FOXM1: variants seen among roughly 807,000 people sequenced by gnomAD.
FOXM1 encodes forkhead box protein M1.
A neutral mutation model predicts 63.6 loss-of-function variants in FOXM1; 25 were observed. The observed-to-expected ratio is 0.39, with a 90% CI of 0.29 to 0.55. FOXM1 has a LOEUF of 0.55. FOXM1 is among the 20% of genes least tolerant of loss of function. FOXM1 has a pLI of 0.60. For missense variants in FOXM1, 879 were observed against 958.7 expected (o/e 0.92, Z 1.10); for synonymous variants, 387 against 376.9 (o/e 1.03, Z -0.31).
At position 2,874,516 on chromosome 12, in the gene FOXM1, A is replaced by C; in HGVS notation, c.-38T>G. 5 of 1,555,256 alleles carry C rather than the reference A, an allele frequency of 3.2e-6. No individual in the cohort carries two copies. Among genetic ancestry groups the C allele is most frequent in the Non-Finnish European group, 4.3e-6 (5 of 1,156,606 alleles). ...TTTTCACTCTCCATTGAGAATCACA[A>C]GTGTGGACCCTGGAAAATGCAAATA... On this transcript the variant is annotated 5_prime_UTR_variant, in exon 2 of 9. Coordinates refer to ENST00000359843, the MANE Select transcript of FOXM1 (RefSeq NM_021953.4). This position sits in a 1 kb window ranked among gnomAD's most constrained non-coding sequence, Gnocchi z 4.3.
Position 2,864,729 on chromosome 12 carries a change from C to A in FOXM1, c.1044G>T (p.Glu348Asp). Residue 348 changes from glutamate to aspartate, a missense_variant, in exon 7 of 9, where the codon GAG (glutamate) becomes GAT (aspartate). Glu to Asp is a conservative substitution (Grantham distance 45). Transcript: ENST00000359843. The surrounding 1 kb of genome is among the most constrained non-coding windows in gnomAD (Gnocchi z 5.1). ...TTTTGATGGTCATGTTCCGGCGGAG[C>A]TCTGGATTCGGTCGTTTCTGCTGCT... ...LESQQKRPNP[E>D]LRRNMTIKTE... 1 of 1,614,206 alleles carries A rather than the reference C, an allele frequency of 6.2e-7. No individual in the cohort carries two copies. The highest frequency in any genetic ancestry group is 1.1e-5 in the South Asian group (1 of 91,082).
chr12:2,864,318 A>G lies in FOXM1; in HGVS notation c.1266+2T>C, dbSNP rs1222491033. 2.1e-5 allele frequency: 33 copies of G among 1,607,230 alleles called. No homozygotes were observed. The highest frequency in any genetic ancestry group is 2.7e-5 in the Non-Finnish European group (32 of 1,175,806). On this transcript the variant is annotated splice_donor_variant, in intron 8 of 8. Coordinates refer to ENST00000359843, the MANE Select transcript of FOXM1 (RefSeq NM_021953.4). LOFTEE classifies it high-confidence loss of function. This position sits in a 1 kb window ranked among gnomAD's most constrained non-coding sequence, Gnocchi z 5.1. Reference sequence around the variant, plus strand: ...CTCTTCAGAGGAAAATAGGACACCCACCTTGGGGGCAATGCGGACTCGCTT... The same window carrying G: ...CTCTTCAGAGGAAAATAGGACACCCGCCTTGGGGGCAATGCGGACTCGCTT...
At chr12:2,865,186 G>A (rs569452079) in intron 6 of FOXM1, among the ~76,000 whole-genome samples, 169 bp downstream of exon 6, 1 of 152,260 alleles carries the variant, frequency 6.6e-6, no homozygotes, top group African/African-American at 2.4e-5. Flanking sequence ...GGAGGGAAGT[G>A]GGTGTGTGCC....
chr12:2,871,885 C>G (rs2098133810), intron 3 of FOXM1, among the ~76,000 whole-genome samples: 1 of 152,030 alleles, frequency 6.6e-6, no homozygotes, highest in Non-Finnish European at 1.5e-5. Flanking sequence ...ACAGAGTGAC[C>G]AAGGGACTCT....
chr12:2,866,743 C>T (rs1015429633), intron 4 of FOXM1, among the ~76,000 whole-genome samples: 5 of 152,206 alleles, frequency 3.3e-5, no homozygotes, highest in Non-Finnish European at 7.3e-5. Context: ...AAGACTGATG[C>T]CAACCTTAGA....
At chr12:2,873,769 G>A (rs906788373) in intron 2 of FOXM1, among the ~76,000 whole-genome samples, 5 of 151,918 alleles carry the variant, frequency 3.3e-5, no homozygotes, top group East Asian at 3.9e-4. Context: ...TAGTAGAGAC[G>A]GGTTTCACCA....
intron 3 of FOXM1, among the ~76,000 whole-genome samples, chr12:2,871,527 G>A (rs1445039140): frequency 1.3e-5 from 2 of 151,970 alleles, no homozygotes; most frequent in Non-Finnish European, 2.9e-5. Context: ...GCACCAAGCT[G>A]GCAAGTCCCA....
In FOXM1 at chr12:2,866,412, G is replaced by A; in HGVS notation, c.956C>T (p.Thr319Ile). ...TIHPSANRYL[T>I]LDQVFKPLDP... ...ATTCACCTTAAACACCTGGTCCAATGTCAAGTAGCGGTTGGCACTGGGGTG... is the reference window on the plus strand; with the variant it reads ...ATTCACCTTAAACACCTGGTCCAATATCAAGTAGCGGTTGGCACTGGGGTG... Residue 319 changes from threonine to isoleucine, a missense_variant, in exon 5 of 9, where the codon ACA (threonine) becomes ATA (isoleucine). Coordinates refer to ENST00000359843, the MANE Select transcript of FOXM1 (RefSeq NM_021953.4). 1 of 1,522,048 alleles carries A rather than the reference G, an allele frequency of 6.6e-7. No homozygotes were observed. Among genetic ancestry groups the A allele is most frequent in the Non-Finnish European group, 8.8e-7 (1 of 1,136,602 alleles). 94.3% of individuals were successfully genotyped at this position (1,522,048 alleles called of 1,614,324 possible).
intron 8 of FOXM1, chr12:2,861,363 C>T: frequency 1.4e-6 from 1 of 730,266 alleles, no homozygotes; most frequent in Non-Finnish European, 2.5e-6. Context: ...TCGCAGATCG[C>T]CACTAAAGAA....
intron 5 of FOXM1, 27 bp downstream of exon 5, chr12:2,866,366 C>G (rs747044464): frequency 7.0e-7 from 1 of 1,424,690 alleles, no homozygotes; most frequent in Non-Finnish European, 9.2e-7. Flanking sequence ...AACTTAGGCC[C>G]TATTTAGAGG....
chr12:2,860,492 A>C (rs1193490198), intron 8 of FOXM1, among the ~76,000 whole-genome samples: 1 of 152,182 alleles, frequency 6.6e-6, no homozygotes. Context: ...GTCTCAGAAA[A>C]GAAAAGAAAG....
chr12:2,859,409 T>C lies in FOXM1; in HGVS notation c.1521A>G (p.Gln507=), dbSNP rs760608177. 3.1e-6 allele frequency: 5 copies of C among 1,613,832 alleles called. No individual in the cohort carries two copies. The Admixed American group carries it at 5.0e-5, about 16-fold the overall frequency. ...ESSHSWEDSS[Q]SPTPRPKKSY... is the part of the protein sequence containing the mutation. The stretch of plus-strand genomic sequence containing the variant: ...ACTTCTTGGGTCTTGGGGTGGGAGA[T>C]TGGGACGAATCCTCCCAGGAGTGAG... The change falls in exon 9 of 9, where the codon CAA becomes CAG. Residue 507 remains glutamine, a synonymous_variant. Transcript: ENST00000359843.
intron 3 of FOXM1, among the ~76,000 whole-genome samples, chr12:2,871,651 T>TAA (rs756336674): frequency 2.1e-5 from 3 of 145,322 alleles, no homozygotes; most frequent in Non-Finnish European, 3.0e-5. Context: ...GACGCTGTCT[T>TAA]AAAAAAAAAA....
chr12:2,864,310 G>GGACA lies in FOXM1; in HGVS notation c.1266+6_1266+9dup. 1.9e-6 allele frequency: 3 copies of GGACA among 1,603,060 alleles called. No individual in the cohort carries two copies. The highest frequency in any genetic ancestry group is 2.6e-6 in the Non-Finnish European group (3 of 1,173,146). ...CAGAATCTCTCTTCAGAGGAAAATA[G>GGACA]GACACCCACCTTGGGGGCAATGCGG... is the stretch of plus-strand genomic sequence containing the variant. On this transcript the variant is annotated intron_variant, in intron 8 of 8. Coordinates refer to ENST00000359843, the MANE Select transcript of FOXM1 (RefSeq NM_021953.4). The surrounding 1 kb of genome is among the most constrained non-coding windows in gnomAD (Gnocchi z 5.1).
In FOXM1 at chr12:2,864,337, C is replaced by G. The variant is rs142750039; in HGVS notation, c.1249G>C (p.Val417Leu). The G allele has an allele frequency of 2.2e-5, 35 of 1,612,958 alleles. No individual in the cohort carries two copies. The highest frequency in any genetic ancestry group is 2.9e-5 in the Non-Finnish European group (34 of 1,179,294). Residue 417 changes from valine (V) to leucine (L), a missense_variant, in exon 8 of 9, where the codon GTC (valine) becomes CTC (leucine). Physicochemically the swap from Val to Leu is conservative, Grantham distance 32. Transcript: ENST00000359843. This position sits in a 1 kb window ranked among gnomAD's most constrained non-coding sequence, Gnocchi z 5.1. Reference protein sequence around the residue: ...SSELARHSKRVRIAPKVLLAE... With the variant: ...SSELARHSKRLRIAPKVLLAE... ...ACACCCACCTTGGGGGCAATGCGGACTCGCTTGCTATGGCGGGCAAGCTCT... is the reference window on the plus strand; with the variant it reads ...ACACCCACCTTGGGGGCAATGCGGAGTCGCTTGCTATGGCGGGCAAGCTCT...
At chr12:2,871,511 T>C (rs973943659) in intron 3 of FOXM1, among the ~76,000 whole-genome samples, 22 of 151,974 alleles carry the variant, frequency 1.4e-4, no homozygotes, top group African/African-American at 5.3e-4. Context: ...CTGGGCATGG[T>C]GGCATGCACC....
At position 2,859,619 on chromosome 12, in the gene FOXM1, T is replaced by C; in HGVS notation, c.1311A>G (p.Gly437=). The change falls in exon 9 of 9, where the codon GGA becomes GGG. Residue 437 remains glycine (G), a synonymous_variant. Coordinates refer to ENST00000359843, the MANE Select transcript of FOXM1 (RefSeq NM_021953.4). ...ACAGGAGTTTCTCCTCTTTCCCTGG[T>C]CCTGCAGAAGAAAGAGGAGCTATCC... ...EEGIAPLSSA[G]PGKEEKLLFG... The C allele has an allele frequency of 1.2e-6, 2 of 1,612,470 alleles. No homozygotes were observed. The highest frequency in any genetic ancestry group is 1.3e-5 in the African/African-American group (1 of 75,004).
chr12:2,873,009 G>A (rs2098135824), intron 2 of FOXM1, among the ~76,000 whole-genome samples: 2 of 152,250 alleles, frequency 1.3e-5, no homozygotes, highest in East Asian at 3.9e-4. Flanking sequence ...AGCCGTGATT[G>A]CGCCACTGCA....
chr12:2,861,446 A>T (rs962231595), intron 8 of FOXM1: 6 of 567,364 alleles, frequency 1.1e-5, no homozygotes, highest in Non-Finnish European at 1.8e-5. Flanking sequence ...ATAAATAAAT[A>T]AAACATTTTA....
Sources: allele counts gnomAD v4.1 joint callset (sites outside exome capture counted in the v4.1 genomes callset), GRCh38; gene constraint gnomAD v4.1.1; non-coding constraint Gnocchi (gnomAD v3.1); transcripts MANE v1.5; gene names NCBI Gene and HGNC (gene_info 2026-07-23, HGNC 2026-07-21).